Variants in ITSN1 observed in about 807,000 individuals in gnomAD.
The protein encoded by ITSN1 is intersectin-1.
In ITSN1, 58 loss-of-function variants were observed where a neutral mutation model predicts 239.8. The ratio of observed to expected loss-of-function variants is 0.24; its 90% CI spans 0.20 to 0.30. ITSN1 has a LOEUF of 0.30. Ranked by LOEUF, ITSN1 falls within the 10% of genes least tolerant of loss-of-function variation. The pLI is 1.00. For synonymous variants in ITSN1, 780 were observed against 770.8 expected, an observed-to-expected ratio of 1.01 and a Z score of -0.20; for missense variants, 1,558 against 2,103.3, an observed-to-expected ratio of 0.74 and a Z score of 5.07.
intron 1 of ITSN1, among the ~76,000 whole-genome samples, chr21:33,716,976 A>G (rs957755193): frequency 6.7e-6 from 1 of 150,132 alleles, no homozygotes; most frequent in African/African-American, 2.5e-5. Context: ...CAATGAGCCA[A>G]TGAACAAAAA....
chr21:33,822,434 T>G (rs1000853295), intron 24 of ITSN1, among the ~76,000 whole-genome samples: 2 of 152,146 alleles, frequency 1.3e-5, no homozygotes, highest in African/African-American at 4.8e-5. Flanking sequence ...TTCTGTTGCT[T>G]TAAAAAAATA....
rs528232785 is a variant in ITSN1, at chr21:33,686,291, T to C, written c.-32-32506T>C. On this transcript the variant is annotated intron_variant, in intron 1 of 39. Coordinates refer to ENST00000381318, the MANE Select transcript of ITSN1 (RefSeq NM_003024.3). ...TAAGCTTCTTTACAGATAGGTGCCA[T>C]ATCAAAGCAAGGTGTTAATGTCATT... 2.0e-5 allele frequency among the ~76,000 whole-genome samples: 3 copies of C among 152,328 alleles called. No homozygotes were observed. In the South Asian group the frequency reaches 6.2e-4, roughly 32 times the overall value.
chr21:33,661,847 A>G (rs1268383189), intron 1 of ITSN1, among the ~76,000 whole-genome samples: 1 of 151,572 alleles, frequency 6.6e-6, no homozygotes, highest in African/African-American at 2.4e-5. Flanking sequence ...GCCTTCCACC[A>G]TGATTATGAG....
chr21:33,693,437 A>G (rs2091645507), intron 1 of ITSN1, among the ~76,000 whole-genome samples: 1 of 149,226 alleles, frequency 6.7e-6, no homozygotes, highest in Admixed American at 6.7e-5. Flanking sequence ...GCTCACTGCA[A>G]CCTCCGCCTC....
chr21:33,761,395 C>T (rs1033967666), intron 8 of ITSN1, among the ~76,000 whole-genome samples: 17 of 151,828 alleles, frequency 1.1e-4, no homozygotes, highest in Non-Finnish European at 1.5e-4. Context: ...TGGCTATTAG[C>T]GCTTCCTGCA....
In ITSN1 at chr21:33,888,285, G is replaced by A; in HGVS notation, c.5151G>A (p.Leu1717=). 2 of 1,613,642 alleles carry A rather than the reference G, an allele frequency of 1.2e-6. No homozygotes were observed. Among genetic ancestry groups the A allele is most frequent in the Non-Finnish European group, 1.7e-6 (2 of 1,179,846 alleles). The change falls in exon 40 of 40, where the codon TTG becomes TTA. Residue 1717 remains leucine (L), a synonymous_variant. Coordinates refer to ENST00000381318, the MANE Select transcript of ITSN1 (RefSeq NM_003024.3). ...GEIVVRLDLQ[L]FDEP Reference sequence around the variant, plus strand: ...TTGTGGTCCGCTTGGACCTGCAGTTGTTTGATGAGCCGTAGGCAGCGGGCT... The same window carrying A: ...TTGTGGTCCGCTTGGACCTGCAGTTATTTGATGAGCCGTAGGCAGCGGGCT...
chr21:33,883,536 G>T lies in ITSN1; in HGVS notation c.4555-14G>T, dbSNP rs201436957. ...CCCAGCCTCGCTTTGTAATGCCTGT[G>T]TGTTACTTTCCAGCCTATTTTCCTA... is the stretch of plus-strand genomic sequence containing the variant. On this transcript the variant is annotated splice_polypyrimidine_tract_variant and intron_variant, in intron 35 of 39. Coordinates refer to ENST00000381318, the MANE Select transcript of ITSN1 (RefSeq NM_003024.3). 10 of 1,612,712 alleles carry T rather than the reference G, an allele frequency of 6.2e-6. No homozygotes were observed. Among genetic ancestry groups the T allele is most frequent in the Non-Finnish European group, 8.5e-6 (10 of 1,179,018 alleles).
intron 29 of ITSN1, among the ~76,000 whole-genome samples, chr21:33,852,663 AT>A (rs566437608): frequency 8.7e-4 from 133 of 152,298 alleles, no homozygotes; most frequent in African/African-American, 3.0e-3. Context: ...CAGATTAGGA[AT>A]TTTATGTGGG....
chr21:33,655,123 T>A (rs958224611), intron 1 of ITSN1, among the ~76,000 whole-genome samples: 6 of 152,342 alleles, frequency 3.9e-5, no homozygotes, highest in Middle Eastern at 3.4e-3. Flanking sequence ...TACCAAAATT[T>A]AATCTAATTC....
intron 1 of ITSN1, among the ~76,000 whole-genome samples, chr21:33,678,485 A>G (rs1190700813): frequency 2.6e-5 from 4 of 152,152 alleles, no homozygotes; most frequent in Admixed American, 1.3e-4. Context: ...TGCTTGGCCC[A>G]TGACATTTGT....
At chr21:33,746,607 G>A (rs758414992) in intron 5 of ITSN1, among the ~76,000 whole-genome samples, 19 of 152,208 alleles carry the variant, frequency 1.2e-4, no homozygotes, top group Admixed American at 2.6e-4. Context: ...TTGGGAGGCC[G>A]AGGCCTGTGG....
At chr21:33,821,911 G>A (rs2073699039) in intron 24 of ITSN1, among the ~76,000 whole-genome samples, 1 of 152,202 alleles carries the variant, frequency 6.6e-6, no homozygotes, top group South Asian at 2.1e-4. Context: ...GTGAGAGTAT[G>A]GAGAAGTCAG....
At chr21:33,779,613 T>C (rs908962751) in intron 14 of ITSN1, among the ~76,000 whole-genome samples, 2 of 152,194 alleles carry the variant, frequency 1.3e-5, no homozygotes, top group Non-Finnish European at 2.9e-5. Context: ...TGTGACTACT[T>C]TTATTAGCTA....
intron 1 of ITSN1, among the ~76,000 whole-genome samples, chr21:33,680,715 T>C (rs1485763804): frequency 6.6e-6 from 1 of 152,090 alleles, no homozygotes; most frequent in African/African-American, 2.4e-5. Flanking sequence ...GCCCAGACTT[T>C]TGGAGAGAAA....
intron 33 of ITSN1, among the ~76,000 whole-genome samples, chr21:33,874,837 T>TG (rs1157187701): frequency 6.6e-6 from 1 of 152,038 alleles, no homozygotes; most frequent in Non-Finnish European, 1.5e-5. Flanking sequence ...TTAATAGAGA[T>TG]GGGGTTTCAC....
intron 1 of ITSN1, among the ~76,000 whole-genome samples, chr21:33,645,972 C>T (rs2087904758): frequency 6.6e-6 from 1 of 152,196 alleles, no homozygotes; most frequent in South Asian, 2.1e-4. Context: ...CTTTGGTTCA[C>T]CCCTCTACCT....
intron 15 of ITSN1, 52 bp downstream of exon 15, chr21:33,781,600 A>G: frequency 2.9e-6 from 3 of 1,046,384 alleles, no homozygotes; most frequent in Non-Finnish European, 4.2e-6. Flanking sequence ...TCTTTTTTTG[A>G]CATGGAGTCT....
intron 4 of ITSN1, among the ~76,000 whole-genome samples, chr21:33,723,943 G>C (rs75838647): frequency 6.6e-6 from 1 of 152,116 alleles, no homozygotes; most frequent in African/African-American, 2.4e-5. Flanking sequence ...TTATAATCTT[G>C]TGGAAATTAA....
chr21:33,660,264 C>T (rs564186566), intron 1 of ITSN1, among the ~76,000 whole-genome samples: 168 of 152,250 alleles, frequency 1.1e-3, no homozygotes, highest in African/African-American at 3.8e-3. Context: ...GATCTTTCCC[C>T]GTGCTTTTAT....
Sources: gnomAD v4.1 joint callset for allele counts (sites outside exome capture counted in the v4.1 genomes callset) on GRCh38, gnomAD v4.1.1 for gene constraint, MANE v1.5 for transcripts, NCBI Gene and HGNC (gene_info 2026-07-23, HGNC 2026-07-21) for gene names.